Variants in PRKCG observed in about 807,000 individuals in gnomAD.
PRKCG encodes the protein protein kinase C gamma type.
PRKCG carries 28 observed loss-of-function variants against 82.0 expected under a neutral mutation model. That is an observed-to-expected ratio of 0.34 (90% CI 0.25 to 0.47). PRKCG has a LOEUF of 0.47. Ranked by LOEUF, PRKCG falls within the 20% of genes least tolerant of loss-of-function variation. PRKCG has a pLI of 1.00. For synonymous variants in PRKCG, 383 were observed against 376.6 expected (o/e 1.02, Z -0.20); for missense variants, 640 against 952.7 (o/e 0.67, Z 4.32).
At position 53,900,409 on chromosome 19, in the gene PRKCG, C is replaced by G. The variant is rs769675497; in HGVS notation, c.1374-10C>G. The G allele has an allele frequency of 2.5e-6, 4 of 1,614,144 alleles. No individual in the cohort carries two copies. In the South Asian group the frequency reaches 3.3e-5, roughly 13 times the overall value. ...GACCTTCTGACGTCCCCACCCACCCCGTCCTCCAGGTTCTACGCGGCAGAA... is the reference window on the plus strand; with the variant it reads ...GACCTTCTGACGTCCCCACCCACCCGGTCCTCCAGGTTCTACGCGGCAGAA... On this transcript the variant is annotated splice_polypyrimidine_tract_variant and intron_variant, in intron 12 of 17. Transcript: ENST00000263431. The surrounding 1 kb of genome is among the most constrained non-coding windows in gnomAD (Gnocchi z 4.2).
intron 11 of PRKCG, among the ~76,000 whole-genome samples, chr19:53,899,964 G>T (rs1268055094): frequency 6.6e-6 from 1 of 152,178 alleles, no homozygotes; most frequent in Non-Finnish European, 1.5e-5. Context: ...GGTGTTCCCG[G>T]ATTTCGAGCG....
chr19:53,905,529 C>A (rs2068795782), intron 16 of PRKCG, among the ~76,000 whole-genome samples: 1 of 151,714 alleles, frequency 6.6e-6, no homozygotes, highest in Non-Finnish European at 1.5e-5. Flanking sequence ...GAATCTCTGT[C>A]CCCCTGGGTC....
chr19:53,896,650 C>T (rs2123006067), intron 9 of PRKCG, among the ~76,000 whole-genome samples: 1 of 152,204 alleles, frequency 6.6e-6, no homozygotes, highest in Middle Eastern at 3.4e-3. Context: ...GAACTCCTGA[C>T]CTCAGGTGAT....
chr19:53,890,837 C>T (rs1214831107), intron 5 of PRKCG, among the ~76,000 whole-genome samples: 3 of 151,502 alleles, frequency 2.0e-5, no homozygotes, highest in African/African-American at 7.3e-5. Context: ...CTGCAACCTC[C>T]GCCTCTCAGG....
In PRKCG at chr19:53,893,822, C is replaced by T. The variant is rs376504275; in HGVS notation, c.939+431C>T. On this transcript the variant is annotated intron_variant, in intron 9 of 17. Transcript: ENST00000263431. ...AGGCTGGAGTGCAATGGCACAATCT[C>T]GCCTCACTGCAACCTCCAGCTCCCG... Among the ~76,000 whole-genome samples, 12 of 152,076 alleles carry T rather than the reference C, an allele frequency of 7.9e-5. No homozygotes were observed. The East Asian group carries it at 1.9e-3, about 25-fold the overall frequency.
intron 3 of PRKCG, among the ~76,000 whole-genome samples, chr19:53,887,249 A>C (rs1321635461): frequency 6.6e-6 from 1 of 151,740 alleles, no homozygotes; most frequent in Non-Finnish European, 1.5e-5. Flanking sequence ...TGTAATCCCA[A>C]CACTTTGGGA....
Position 53,882,304 on chromosome 19 carries a change from G to A in PRKCG, c.-191G>A, listed in dbSNP as rs2068597863. The A allele has an allele frequency of 1.3e-6, 1 of 779,772 alleles. No individual in the cohort carries two copies. Among genetic ancestry groups the A allele is most frequent in the Non-Finnish European group, 2.0e-6 (1 of 491,222 alleles). 48.3% of individuals were successfully genotyped at this position (779,772 alleles called of 1,614,324 possible). Reference sequence around the variant, plus strand: ...CCTCCCCACTCGCCCGCTCCCCCTGGCGGAGCCGGCGCGCCCGGGGTGCCG... The same window carrying A: ...CCTCCCCACTCGCCCGCTCCCCCTGACGGAGCCGGCGCGCCCGGGGTGCCG... On this transcript the variant is annotated 5_prime_UTR_variant, in exon 1 of 18. Coordinates refer to ENST00000263431, the MANE Select transcript of PRKCG (RefSeq NM_002739.5). This position sits in a 1 kb window ranked among gnomAD's most constrained non-coding sequence, Gnocchi z 6.1.
In PRKCG at chr19:53,889,655, C is replaced by G. The variant is rs121918518; in HGVS notation, c.303C>G (p.His101Gln). ...GPQTDDPRNK[H>Q]KFRLHSYSSP... ...GCCCCCAGGACCCCCGGAACAAACA[C>G]AAGTTCCGCCTGCATAGCTACAGCA... The change falls in exon 4 of 18, where the codon CAC becomes CAG. Residue 101 changes from histidine (H) to glutamine (Q), a missense_variant. Coordinates refer to ENST00000263431, the MANE Select transcript of PRKCG (RefSeq NM_002739.5). This position sits in a 1 kb window ranked among gnomAD's most constrained non-coding sequence, Gnocchi z 4.4. 6.2e-7 allele frequency: 1 copy of G among 1,614,160 alleles called. No homozygotes were observed. Among genetic ancestry groups the G allele is most frequent in the Non-Finnish European group, 8.5e-7 (1 of 1,180,018 alleles).
Position 53,906,907 on chromosome 19 carries a change from G to T in PRKCG, c.*12G>T, listed in dbSNP as rs1308911504. ...TGCCCGTCATGTAATCTCACCCGCC[G>T]CCACTAGGTGTCCCCAACGTCCCCT... On this transcript the variant is annotated 3_prime_UTR_variant, in exon 18 of 18. Transcript: ENST00000263431. 3.1e-6 allele frequency: 5 copies of T among 1,612,918 alleles called. No individual in the cohort carries two copies. Among genetic ancestry groups the T allele is most frequent in the African/African-American group, 1.3e-5 (1 of 74,812 alleles).
In PRKCG at chr19:53,892,884, C is replaced by A; in HGVS notation, c.822-104C>A. The A allele has an allele frequency of 8.5e-7, 1 of 1,175,126 alleles. No homozygotes were observed. Among genetic ancestry groups the A allele is most frequent in the East Asian group, 2.4e-5 (1 of 40,932 alleles). The allele number at this position is 1,175,126 out of a possible 1,614,324, so 72.8% of individuals were successfully genotyped here. A position where few individuals can be genotyped will look rare whatever the true frequency, so the allele number is the denominator to read the frequency against. The stretch of plus-strand genomic sequence containing the variant: ...ATCTCACTCTTTCTCTCTTCCATCT[C>A]TGTGTCCGTCTCTCTGTGTCTCTTT... On this transcript the variant is annotated intron_variant, in intron 7 of 17. Coordinates refer to ENST00000263431, the MANE Select transcript of PRKCG (RefSeq NM_002739.5). The surrounding 1 kb of genome is among the most constrained non-coding windows in gnomAD (Gnocchi z 5.9).
chr19:53,881,291 G>A (rs2545048), upstream of PRKCG, among the ~76,000 whole-genome samples: 123,790 of 151,446 alleles, frequency 0.82, 52,637 homozygotes, highest in East Asian at 0.99. Flanking sequence ...AAGACGGGTG[G>A]AGGTGAGGAG....
chr19:53,904,985 G>A (rs1241197901), intron 16 of PRKCG, among the ~76,000 whole-genome samples: 1 of 152,168 alleles, frequency 6.6e-6, no homozygotes, highest in African/African-American at 2.4e-5. Flanking sequence ...CTGCTTGCAG[G>A]AAGTGCTGAA....
rs1336788976 is a variant in PRKCG at position 53,890,024 on chromosome 19, C to T, written c.529+7C>T. 1 of 1,555,354 alleles carries T rather than the reference C, an allele frequency of 6.4e-7. No individual in the cohort carries two copies. Among genetic ancestry groups the T allele is most frequent in the South Asian group, 1.2e-5 (1 of 84,608 alleles). On this transcript the variant is annotated splice_region_variant and intron_variant, in intron 5 of 17. Transcript: ENST00000263431. ...GATGAGATCCACGTAACTGGTGAGGCCCCGCCCCCTCGCCTGGCCCCGCCC... is the reference window on the plus strand; with the variant it reads ...GATGAGATCCACGTAACTGGTGAGGTCCCGCCCCCTCGCCTGGCCCCGCCC...
chr19:53,898,529 C>A lies in PRKCG; in HGVS notation c.1182C>A (p.Asp394Glu), dbSNP rs2068734044. ...TGATCGTCCAGGACGACGATGTGGA[C>A]TGCACGCTGGTGGAGAAACGTGTGC... ...KDVIVQDDDV[D>E]CTLVEKRVLA... The change falls in exon 11 of 18, where the codon GAC (aspartate) becomes GAA (glutamate). Residue 394 changes from aspartate to glutamate, a missense_variant. By Grantham distance (45) the Asp-to-Glu change is conservative (BLOSUM62 2). Around this residue, in one of 7 missense-constraint regions of PRKCG, gnomAD observed 22 missense variants for 59.0 expected, o/e 0.37. Coordinates refer to ENST00000263431, the MANE Select transcript of PRKCG (RefSeq NM_002739.5). 1.7e-5 allele frequency: 28 copies of A among 1,613,756 alleles called. No homozygotes were observed. The highest frequency in any genetic ancestry group is 2.4e-5 in the Non-Finnish European group (28 of 1,180,032).
At chr19:53,904,432 C>T (rs771829750) in intron 15 of PRKCG, among the ~76,000 whole-genome samples, 10 of 144,758 alleles carry the variant, frequency 6.9e-5, no homozygotes, top group South Asian at 2.4e-4. Context: ...CTGAGGCATC[C>T]GAGATAGGAA....
At chr19:53,898,664 C>T in intron 11 of PRKCG, 36 bp downstream of exon 11, 1 of 1,543,554 alleles carries the variant, frequency 6.5e-7, no homozygotes, top group Non-Finnish European at 8.8e-7. Flanking sequence ...TCCTCCGGGC[C>T]CTGCCTTATC....
intron 15 of PRKCG, 65 bp from the exon 16 acceptor site, chr19:53,904,570 T>C: frequency 5.8e-6 from 8 of 1,385,890 alleles, no homozygotes; most frequent in Non-Finnish European, 8.1e-6. Context: ...GTGAGGAGGG[T>C]GTGGAAGGTT....
In PRKCG at chr19:53,900,228, C is replaced by G; in HGVS notation, c.1282-5C>G. On this transcript the variant is annotated splice_polypyrimidine_tract_variant and splice_region_variant and intron_variant, in intron 11 of 17. Transcript: ENST00000263431. This position sits in a 1 kb window ranked among gnomAD's most constrained non-coding sequence, Gnocchi z 4.2. ...CCGCCTCTAAGCCCATGCACTTCTCCGCAGGACCGCCTGTATTTCGTGATG... is the reference window on the plus strand; with the variant it reads ...CCGCCTCTAAGCCCATGCACTTCTCGGCAGGACCGCCTGTATTTCGTGATG... 6.2e-7 allele frequency: 1 copy of G among 1,613,668 alleles called. No homozygotes were observed.
Position 53,895,234 on chromosome 19 carries a change from C to T in PRKCG, c.939+1843C>T, listed in dbSNP as rs539016564. Among the ~76,000 whole-genome samples, 212 of 151,966 alleles carry T rather than the reference C, an allele frequency of 1.4e-3. 1 individual carries two copies. The highest frequency in any genetic ancestry group is 4.8e-3 in the African/African-American group (201 of 41,462). Reference sequence around the variant, plus strand: ...GCATATGATAGACTGGGCACGATGCCTCATGTCTGTGATCCTAGTAAGGCG... The same window carrying T: ...GCATATGATAGACTGGGCACGATGCTTCATGTCTGTGATCCTAGTAAGGCG... On this transcript the variant is annotated intron_variant, in intron 9 of 17. Transcript: ENST00000263431.
Sources: allele counts gnomAD v4.1 joint callset (sites outside exome capture counted in the v4.1 genomes callset), GRCh38; gene constraint gnomAD v4.1.1; regional missense constraint gnomAD v4.1.1; non-coding constraint Gnocchi (gnomAD v3.1); transcripts MANE v1.5; gene names NCBI Gene and HGNC (gene_info 2026-07-23, HGNC 2026-07-21).